MPPED2: variants seen among roughly 807,000 people sequenced by gnomAD.
The protein encoded by MPPED2 is metallophosphoesterase MPPED2.
In MPPED2, 5 loss-of-function variants were observed where a neutral mutation model predicts 33.0. That is an observed-to-expected ratio of 0.15 (90% CI 0.08 to 0.32). The LOEUF is 0.32. Ranked by LOEUF, MPPED2 falls within the 10% of genes least tolerant of loss-of-function variation. MPPED2 has a pLI of 1.00. For missense variants in MPPED2, 275 were observed against 372.1 expected (o/e 0.74, Z 2.15); for synonymous variants, 136 against 141.9 (o/e 0.96, Z 0.29).
chr11:30,516,954 G>T (rs369922498), intron 3 of MPPED2, among the ~76,000 whole-genome samples: 2 of 152,160 alleles, frequency 1.3e-5, no homozygotes, highest in East Asian at 3.8e-4. Flanking sequence ...ACCCTGTATG[G>T]ATGGGTTGGC....
intron 6 of MPPED2, among the ~76,000 whole-genome samples, chr11:30,391,741 A>G (rs2133696177): frequency 6.6e-6 from 1 of 152,348 alleles, no homozygotes; most frequent in South Asian, 2.1e-4. Context: ...GTTGTTTGAA[A>G]TGAATTTCAT....
intron 4 of MPPED2, among the ~76,000 whole-genome samples, chr11:30,488,185 G>A (rs1404698952): frequency 6.6e-6 from 1 of 152,160 alleles, no homozygotes; most frequent in Non-Finnish European, 1.5e-5. Context: ...CACTGTAAAT[G>A]CTGGCTATTG....
At chr11:30,423,528 G>A (rs1440346241) in intron 4 of MPPED2, among the ~76,000 whole-genome samples, 4 of 151,982 alleles carry the variant, frequency 2.6e-5, no homozygotes, top group Admixed American at 6.6e-5. Flanking sequence ...GCCAGTTAGC[G>A]TAACGAGCAC....
intron 3 of MPPED2, among the ~76,000 whole-genome samples, chr11:30,511,498 A>G (rs759633320): frequency 4.6e-5 from 7 of 152,212 alleles, no homozygotes; most frequent in Non-Finnish European, 7.3e-5. Flanking sequence ...GGATAAGTCA[A>G]TATTTTCTGT....
chr11:30,501,416 G>C (rs188747388), intron 3 of MPPED2, among the ~76,000 whole-genome samples: 1 of 152,202 alleles, frequency 6.6e-6, no homozygotes, highest in Non-Finnish European at 1.5e-5. Flanking sequence ...GGTCAGTGCG[G>C]CTATGAGGTC....
chr11:30,401,022 G>C (rs1253313157), intron 6 of MPPED2, among the ~76,000 whole-genome samples: 1 of 152,176 alleles, frequency 6.6e-6, no homozygotes, highest in Non-Finnish European at 1.5e-5. Flanking sequence ...TCCTGCCTCA[G>C]CTTCCCACAG....
At chr11:30,446,477 A>C (rs1457748424) in intron 4 of MPPED2, among the ~76,000 whole-genome samples, 1 of 151,988 alleles carries the variant, frequency 6.6e-6, no homozygotes, top group Non-Finnish European at 1.5e-5. Context: ...CTCACTCCAA[A>C]GGGAAAAAAA....
At chr11:30,494,506 G>C (rs1325212103) in intron 4 of MPPED2, among the ~76,000 whole-genome samples, 1 of 152,088 alleles carries the variant, frequency 6.6e-6, no homozygotes, top group African/African-American at 2.4e-5. Context: ...GGGAGGCCAA[G>C]GCGGGCCAAT....
chr11:30,449,104 G>A (rs1441923779), intron 4 of MPPED2, among the ~76,000 whole-genome samples: 1 of 152,188 alleles, frequency 6.6e-6, no homozygotes, highest in Non-Finnish European at 1.5e-5. Flanking sequence ...AGCAGGGATT[G>A]TGTCTATTTT....
At chr11:30,427,815 T>C (rs2133826504) in intron 4 of MPPED2, among the ~76,000 whole-genome samples, 1 of 152,344 alleles carries the variant, frequency 6.6e-6, no homozygotes, top group South Asian at 2.1e-4. Flanking sequence ...TGAATTTTTT[T>C]CCCTTTCTAT....
At chr11:30,510,070 T>A (rs1953069575) in intron 3 of MPPED2, among the ~76,000 whole-genome samples, 1 of 152,240 alleles carries the variant, frequency 6.6e-6, no homozygotes, top group Non-Finnish European at 1.5e-5. Context: ...CCAGCAAGTA[T>A]CATGCAGTAA....
At chr11:30,420,186 AC>A (rs753625285) in intron 4 of MPPED2, among the ~76,000 whole-genome samples, 22 of 152,178 alleles carry the variant, frequency 1.4e-4, no homozygotes. Context: ...GCCCAGTGTA[AC>A]CCCAAGGGTC....
intron 6 of MPPED2, among the ~76,000 whole-genome samples, chr11:30,390,141 C>T (rs1947753494): frequency 6.6e-6 from 1 of 152,222 alleles, no homozygotes; most frequent in South Asian, 2.1e-4. Flanking sequence ...TTCTCAGCTT[C>T]TTTTAAAATA....
intron 4 of MPPED2, among the ~76,000 whole-genome samples, chr11:30,490,240 C>A (rs1197107257): frequency 6.6e-6 from 1 of 152,068 alleles, no homozygotes; most frequent in Non-Finnish European, 1.5e-5. Flanking sequence ...GGTATGCAAG[C>A]AATCCACAAG....
chr11:30,536,231 T>A, intron 2 of MPPED2, 56 bp from the exon 3 acceptor site: 2 of 1,394,668 alleles, frequency 1.4e-6, no homozygotes, highest in African/African-American at 1.4e-5. Flanking sequence ...CCCTTGAAAT[T>A]GTCGTCGCAC....
chr11:30,475,008 C>T (rs952500654), intron 4 of MPPED2, among the ~76,000 whole-genome samples: 5 of 152,062 alleles, frequency 3.3e-5, no homozygotes, highest in African/African-American at 1.2e-4. Context: ...CAATAATAGC[C>T]TTGAATGTAA....
intron 6 of MPPED2, among the ~76,000 whole-genome samples, chr11:30,392,333 A>G (rs1947789848): frequency 6.6e-6 from 1 of 152,220 alleles, no homozygotes; most frequent in African/African-American, 2.4e-5. Context: ...TCTTTAAGGA[A>G]AAGGCCCTGA....
chr11:30,414,162 C>A (rs891992306), intron 6 of MPPED2, 66 bp downstream of exon 6: 1 of 1,105,548 alleles, frequency 9.0e-7, no homozygotes, highest in Non-Finnish European at 1.4e-6. Context: ...CCACTTATTC[C>A]TAGTTGTAGA....
chr11:30,582,411 C>G (rs983335890), intron 1 of MPPED2, among the ~76,000 whole-genome samples: 1 of 152,140 alleles, frequency 6.6e-6, no homozygotes, highest in Non-Finnish European at 1.5e-5. Flanking sequence ...CTTGACAATT[C>G]TTATGTTCAT....
Sources: gnomAD v4.1 joint callset for allele counts (sites outside exome capture counted in the v4.1 genomes callset) on GRCh38, gnomAD v4.1.1 for gene constraint, MANE v1.5 for transcripts, NCBI Gene and HGNC (gene_info 2026-07-23, HGNC 2026-07-21) for gene names.